The following TMEM25 variants were observed in gnomAD, a reference collection of about 807,000 sequenced individuals.
TMEM25 encodes transmembrane protein 25, also known as 0610039J01Rik.
TMEM25 carries 36 observed loss-of-function variants against 37.0 expected under a neutral mutation model. That is an observed-to-expected ratio of 0.97 (90% confidence interval 0.75 to 1.28). TMEM25 has a LOEUF of 1.28. Among genes scored for constraint, TMEM25 ranks in the 50% most tolerant of loss-of-function variants. The probability of loss-of-function intolerance (pLI) is 0.00; values close to 1 mark genes in which losing one functional copy is unlikely to be tolerated. For missense variants in TMEM25, 444 were observed against 477.9 expected, an observed-to-expected ratio of 0.93 and a Z score of 0.66; for synonymous variants, 197 against 203.7, an observed-to-expected ratio of 0.97 and a Z score of 0.28.
chr11:118,535,028 A>G lies in TMEM25; in HGVS notation c.*448A>G, dbSNP rs149114234. 2.6e-4 allele frequency: 273 copies of G among 1,035,736 alleles called. 2 individuals carry two copies. In the East Asian group the frequency reaches 7.5e-3, roughly 29 times the overall value. The allele number at this position is 1,035,736 out of a possible 1,614,324, so 64.2% of individuals were successfully genotyped here. ...CATGGATTTTCCTCCTTCCTATGCTATGTAGCCTTGTTCCCTCAGGTAAAA... is the reference window on the plus strand; with the variant it reads ...CATGGATTTTCCTCCTTCCTATGCTGTGTAGCCTTGTTCCCTCAGGTAAAA... On this transcript the variant is annotated 3_prime_UTR_variant, in exon 9 of 9. Transcript: ENST00000313236.
exon 9 of TMEM25, chr11:118,546,140 A>G: frequency 1.4e-6 from 1 of 718,546 alleles, no homozygotes; most frequent in South Asian, 1.5e-5. Flanking sequence ...CAGGACAAAG[A>G]CGCATAACAG....
rs377148352 is a variant in TMEM25, at chr11:118,533,569, G to C, written c.805+18G>C. On this transcript the variant is annotated intron_variant, in intron 5 of 8. Transcript: ENST00000313236. ...AACCAAAGGTAGGCCAGGGACACTG[G>C]GGGCAGTGTGGATGAGGTCAGGCTG... The C allele has an allele frequency of 3.3e-5, 54 of 1,613,554 alleles. No individual in the cohort carries two copies. The South Asian group carries it at 4.8e-4, about 14-fold the overall frequency.
At chr11:118,546,276 T>C (rs1951683953) in exon 9 of TMEM25, 2 of 667,950 alleles carry the variant, frequency 3.0e-6, no homozygotes, top group Non-Finnish European at 2.7e-6. Context: ...GGTGGGCAGA[T>C]CGCCTGAGCC....
intron 8 of TMEM25, among the ~76,000 whole-genome samples, chr11:118,541,865 C>T (rs782470076): frequency 6.6e-6 from 1 of 152,188 alleles, no homozygotes; most frequent in Non-Finnish European, 1.5e-5. Flanking sequence ...TTAATCGATC[C>T]TCCTACCTCA....
Position 118,535,097 on chromosome 11 carries a change from C to T in TMEM25, c.*517C>T, listed in dbSNP as rs782423405. The T allele has an allele frequency of 2.9e-5, 30 of 1,017,790 alleles. No individual in the cohort carries two copies. The highest frequency in any genetic ancestry group is 3.4e-5 in the Non-Finnish European group (29 of 850,786). The allele number at this position is 1,017,790 out of a possible 1,614,324, so 63.0% of individuals were successfully genotyped here. A position where few individuals can be genotyped will look rare whatever the true frequency, so the allele number is the denominator to read the frequency against. On this transcript the variant is annotated 3_prime_UTR_variant, in exon 9 of 9. Transcript: ENST00000313236. ...GTGCAGAACCCAATTGCCCTTTGCA[C>T]AGAAACCAACCCCTGACCCAGCGGT... is the stretch of plus-strand genomic sequence containing the variant.
In TMEM25 at chr11:118,535,772, G is replaced by C; in HGVS notation, c.*1192G>C. 1 of 1,361,964 alleles carries C rather than the reference G, an allele frequency of 7.3e-7. No homozygotes were observed. The highest frequency in any genetic ancestry group is 2.7e-5 in the East Asian group (1 of 36,798). The allele number at this position is 1,361,964 out of a possible 1,614,324, so 84.4% of individuals were successfully genotyped here. Reference sequence around the variant, plus strand: ...GATCTTCTTTTGTAATGTTTTTCATGTTACTGCCTAGGGCGGTGCTGAGCA... The same window carrying C: ...GATCTTCTTTTGTAATGTTTTTCATCTTACTGCCTAGGGCGGTGCTGAGCA... On this transcript the variant is annotated 3_prime_UTR_variant, in exon 9 of 9. Transcript: ENST00000313236.
intron 2 of TMEM25, 117 bp downstream of exon 2, chr11:118,531,988 C>A: frequency 7.2e-7 from 1 of 1,390,508 alleles, no homozygotes. Flanking sequence ...AGTCCCTGTC[C>A]CCTTCACCCA....
downstream of TMEM25, among the ~76,000 whole-genome samples, chr11:118,537,823 G>C (rs1951530561): frequency 6.6e-6 from 1 of 152,148 alleles, no homozygotes; most frequent in South Asian, 2.1e-4. Flanking sequence ...GGCCGAGGCG[G>C]GTGGATCGCT....
intron 4 of TMEM25, 86 bp from the exon 5 acceptor site, chr11:118,533,334 T>C (rs1313279827): frequency 1.9e-6 from 3 of 1,588,898 alleles, no homozygotes; most frequent in Non-Finnish European, 2.6e-6. Context: ...CCAGCCACCC[T>C]GGGCAAGGAG....
chr11:118,535,514 T>G lies in TMEM25; in HGVS notation c.*934T>G. ...TTGATGGTTTTTCTCTCAGCATGTCTCCTCCACCACGGGACCCCAGCCCTG... is the reference window on the plus strand; with the variant it reads ...TTGATGGTTTTTCTCTCAGCATGTCGCCTCCACCACGGGACCCCAGCCCTG... On this transcript the variant is annotated 3_prime_UTR_variant, in exon 9 of 9. Coordinates refer to ENST00000313236, the MANE Select transcript of TMEM25 (RefSeq NM_032780.4). The G allele has an allele frequency of 6.5e-7, 1 of 1,533,158 alleles. No homozygotes were observed. Among genetic ancestry groups the G allele is most frequent in the South Asian group, 1.2e-5 (1 of 83,714 alleles). The allele number at this position is 1,533,158 out of a possible 1,614,324, so 95.0% of individuals were successfully genotyped here.
chr11:118,535,108 C>T lies in TMEM25; in HGVS notation c.*528C>T, dbSNP rs1270364234. 2 of 1,017,976 alleles carry T rather than the reference C, an allele frequency of 2.0e-6. No homozygotes were observed. The highest frequency in any genetic ancestry group is 3.4e-5 in the African/African-American group (2 of 58,182). The allele number at this position is 1,017,976 out of a possible 1,614,324, so 63.1% of individuals were successfully genotyped here. On this transcript the variant is annotated 3_prime_UTR_variant, in exon 9 of 9. Coordinates refer to ENST00000313236, the MANE Select transcript of TMEM25 (RefSeq NM_032780.4). ...AATTGCCCTTTGCACAGAAACCAAC[C>T]CCTGACCCAGCGGTACCGGCCAAGC...
chr11:118,532,961 C>T lies in TMEM25; in HGVS notation c.427C>T (p.Gln143Ter). 6.2e-7 allele frequency: 1 copy of T among 1,614,172 alleles called. No individual in the cohort carries two copies. The highest frequency in any genetic ancestry group is 1.1e-5 in the South Asian group (1 of 91,074). ...AQVGAKYQEA[Q>*]GPGLLVVLFA... ...AGTCGGCGCCAAGTACCAGGAAGCT[C>T]AGGGCCCAGGCCTCCTGGTTGTCCT... The change falls in exon 4 of 9, where the codon CAG (glutamine) becomes TAG (stop). Residue 143 changes from glutamine (Q) to a stop codon, truncating the protein, a stop_gained. Coordinates refer to ENST00000313236, the MANE Select transcript of TMEM25 (RefSeq NM_032780.4). LOFTEE classifies it high-confidence loss of function.
downstream of TMEM25, among the ~76,000 whole-genome samples, chr11:118,536,149 A>T (rs1951505754): frequency 6.6e-6 from 1 of 151,626 alleles, no homozygotes; most frequent in African/African-American, 2.4e-5. Flanking sequence ...AAGTGCTGGG[A>T]GTACAGGTGT....
At chr11:118,536,271 G>T (rs916127483), downstream of TMEM25, among the ~76,000 whole-genome samples, 2 of 151,226 alleles carry the variant, frequency 1.3e-5, no homozygotes, top group African/African-American at 4.9e-5. Flanking sequence ...TCGGCTCACC[G>T]CAACCTCTGC....
chr11:118,534,812 A>G lies in TMEM25; in HGVS notation c.*232A>G, dbSNP rs1427543788. 15 of 1,377,650 alleles carry G rather than the reference A, an allele frequency of 1.1e-5. No individual in the cohort carries two copies. Among genetic ancestry groups the G allele is most frequent in the Non-Finnish European group, 1.4e-5 (15 of 1,063,488 alleles). 85.3% of individuals were successfully genotyped at this position (1,377,650 alleles called of 1,614,324 possible). On this transcript the variant is annotated 3_prime_UTR_variant, in exon 9 of 9. Transcript: ENST00000313236. This position sits in a 1 kb window ranked among gnomAD's most constrained non-coding sequence, Gnocchi z 4.6. ...GCTACCAGTTGGACGTAAGCCCCTCATGCTGACTCAGGGTGGGCCCTGCAT... is the reference window on the plus strand; with the variant it reads ...GCTACCAGTTGGACGTAAGCCCCTCGTGCTGACTCAGGGTGGGCCCTGCAT...
chr11:118,545,599 G>A, intron 8 of TMEM25: 3 of 1,118,368 alleles, frequency 2.7e-6, no homozygotes, highest in Non-Finnish European at 4.0e-6. Context: ...GTGTCGCTAT[G>A]ACTTTGGGGG....
intron 3 of TMEM25, chr11:118,532,687 A>G (rs1488159100): frequency 1.3e-6 from 1 of 775,640 alleles, no homozygotes; most frequent in Non-Finnish European, 2.0e-6. Context: ...CAGGGTGATG[A>G]TCCCGCTGGT....
At position 118,535,434 on chromosome 11, in the gene TMEM25, G is replaced by C. The variant is rs1951485830; in HGVS notation, c.*854G>C. 6.8e-7 allele frequency: 1 copy of C among 1,472,852 alleles called. No homozygotes were observed. Among genetic ancestry groups the C allele is most frequent in the Non-Finnish European group, 9.0e-7 (1 of 1,111,070 alleles). The allele number at this position is 1,472,852 out of a possible 1,614,324, so 91.2% of individuals were successfully genotyped here. A position where few individuals can be genotyped will look rare whatever the true frequency, so the allele number is the denominator to read the frequency against. On this transcript the variant is annotated 3_prime_UTR_variant, in exon 9 of 9. Coordinates refer to ENST00000313236, the MANE Select transcript of TMEM25 (RefSeq NM_032780.4). The stretch of plus-strand genomic sequence containing the variant: ...TGAGGGGCCCAGAGCCCTCTTTGTG[G>C]CTTCCCCACGTTTGGCCTTCTGGGA...
At chr11:118,540,863 C>T (rs185670864) in intron 8 of TMEM25, among the ~76,000 whole-genome samples, 47 of 152,246 alleles carry the variant, frequency 3.1e-4, no homozygotes, top group South Asian at 1.7e-3. Context: ...AAAGATCACA[C>T]GTTGTTTGAC....
Sources: gnomAD v4.1 joint callset for allele counts (sites outside exome capture counted in the v4.1 genomes callset) on GRCh38, gnomAD v4.1.1 for gene constraint, Gnocchi (gnomAD v3.1) non-coding constraint, MANE v1.5 for transcripts, NCBI Gene and HGNC (gene_info 2026-07-23, HGNC 2026-07-21) for gene names.